IGHMBP2: variants seen among roughly 807,000 people sequenced by gnomAD.
IGHMBP2 encodes DNA-binding protein SMUBP-2.
Under a neutral mutation model 96.0 loss-of-function variants are expected in IGHMBP2, and 81 were observed. That is an observed-to-expected ratio of 0.84 (90% confidence interval 0.71 to 1.01). IGHMBP2 has a LOEUF of 1.01. Ranked by LOEUF, IGHMBP2 falls within the 50% of genes least tolerant of loss-of-function variation. The pLI, the probability that IGHMBP2 is intolerant of heterozygous loss-of-function variation, is 0.00. For missense variants in IGHMBP2, 1,227 were observed against 1,306.3 expected (o/e 0.94, Z 0.94); for synonymous variants, 557 against 548.9 (o/e 1.01, Z -0.21).
intron 7 of IGHMBP2, among the ~76,000 whole-genome samples, chr11:68,928,556 C>T (rs1358984437): frequency 6.6e-6 from 1 of 152,222 alleles, no homozygotes; most frequent in East Asian, 1.9e-4. Context: ...TATATGTTAT[C>T]TCCCTTTGTG....
chr11:68,936,483 G>A lies in IGHMBP2; in HGVS notation c.2003G>A (p.Gly668Glu). 6.2e-7 allele frequency: 1 copy of A among 1,613,854 alleles called. No individual in the cohort carries two copies. Among genetic ancestry groups the A allele is most frequent in the Non-Finnish European group, 8.5e-7 (1 of 1,179,992 alleles). ...AGCCACGCTGCCACCAAGCCCCAGG[G>A]ACCTGCTACGTCCACCAGGACCGGA... is the stretch of plus-strand genomic sequence containing the variant. ...GSSHAATKPQ[G>E]PATSTRTGSQ... Residue 668 changes from glycine (G) to glutamate (E), a missense_variant, in exon 13 of 15, where the codon GGA becomes GAA. Physicochemically the swap from Gly to Glu is moderately conservative, Grantham distance 98. This residue lies in a region of IGHMBP2 where 703 missense variants were observed against 770.3 expected (regional missense o/e 0.91). Transcript: ENST00000255078.
intron 1 of IGHMBP2, among the ~76,000 whole-genome samples, chr11:68,904,476 C>G (rs566681990): frequency 1.3e-5 from 2 of 152,278 alleles, no homozygotes; most frequent in East Asian, 3.9e-4. Flanking sequence ...GAGTCCCTTC[C>G]CCTCCAGTGC....
rs190339120 is a variant in IGHMBP2 at position 68,937,876 on chromosome 11, T to A, written c.2612-306T>A. The A allele has an allele frequency of 2.3e-4, 94 of 415,072 alleles. 1 individual carries two copies. The East Asian group carries it at 4.7e-3, about 21-fold the overall frequency. The allele number at this position is 415,072 out of a possible 1,614,324, so 25.7% of individuals were successfully genotyped here. A position where few individuals can be genotyped will look rare whatever the true frequency, so the allele number is the denominator to read the frequency against. Reference sequence around the variant, plus strand: ...GTTGAGCAGCTACTGTATGCCACGCTTTGTGCTAGAGGACAGGACTGATGC... The same window carrying A: ...GTTGAGCAGCTACTGTATGCCACGCATTGTGCTAGAGGACAGGACTGATGC... On this transcript the variant is annotated intron_variant, in intron 13 of 14. Coordinates refer to ENST00000255078, the MANE Select transcript of IGHMBP2 (RefSeq NM_002180.3).
chr11:68,921,856 G>A lies in IGHMBP2; in HGVS notation c.1060+3973G>A, dbSNP rs193050212. Among the ~76,000 whole-genome samples the A allele has an allele frequency of 1.1e-4, 16 of 152,234 alleles. No homozygotes were observed. In the East Asian group the frequency reaches 2.5e-3, roughly 24 times the overall value. ...GCTTTTGTATGTCTGAAAATATCTT[G>A]TTTCACCTGCAGTTTTGAAAGATAT... On this transcript the variant is annotated intron_variant, in intron 7 of 14. Transcript: ENST00000255078.
At chr11:68,925,239 G>A (rs1055426095) in intron 7 of IGHMBP2, among the ~76,000 whole-genome samples, 4 of 149,522 alleles carry the variant, frequency 2.7e-5, no homozygotes, top group Non-Finnish European at 5.9e-5. Context: ...TCCTCCTCCC[G>A]GGTTCAAGTG....
intron 8 of IGHMBP2, among the ~76,000 whole-genome samples, chr11:68,931,014 T>G (rs1163624291): frequency 1.3e-5 from 2 of 152,120 alleles, no homozygotes; most frequent in Non-Finnish European, 2.9e-5. Flanking sequence ...TGGGCGGGCC[T>G]GGAATAGGTA....
rs199619824 is a variant in IGHMBP2 at position 68,914,924 on chromosome 11, C to G, written c.813C>G (p.Leu271=). Residue 271 remains leucine (L), a synonymous_variant, in exon 6 of 15, where the codon CTC becomes CTG. Coordinates refer to ENST00000255078, the MANE Select transcript of IGHMBP2 (RefSeq NM_002180.3). ...TGCGCCTGGGACACCCTGCCCGCCT[C>G]CTGGAGTCCATTCAGCAGCACTCCC... ...RILRLGHPAR[L]LESIQQHSLD... 1.2e-6 allele frequency: 2 copies of G among 1,614,088 alleles called. No individual in the cohort carries two copies. The highest frequency in any genetic ancestry group is 3.3e-5 in the Admixed American group (2 of 60,012).
intron 4 of IGHMBP2, among the ~76,000 whole-genome samples, chr11:68,910,363 T>G (rs562165942): frequency 5.3e-5 from 8 of 152,372 alleles, no homozygotes; most frequent in African/African-American, 1.9e-4. Flanking sequence ...GACTCTGGAA[T>G]GGCTTGGCTA....
At chr11:68,911,222 G>A (rs1239124402) in intron 4 of IGHMBP2, among the ~76,000 whole-genome samples, 1 of 152,200 alleles carries the variant, frequency 6.6e-6, no homozygotes, top group Non-Finnish European at 1.5e-5. Flanking sequence ...AAAACCGGCA[G>A]CTGACTGGAT....
intron 8 of IGHMBP2, chr11:68,932,915 C>T (rs1052585152): frequency 1.9e-5 from 5 of 266,952 alleles, no homozygotes; most frequent in Non-Finnish European, 2.9e-5. Context: ...GCCCTTTCCT[C>T]TGTCTATGAA....
At chr11:68,928,345 G>A (rs1232633209) in intron 7 of IGHMBP2, among the ~76,000 whole-genome samples, 1 of 152,164 alleles carries the variant, frequency 6.6e-6, no homozygotes, top group Non-Finnish European at 1.5e-5. Context: ...ATTATCCAAA[G>A]CCCAGCCAAG....
rs1032763846 is a variant in IGHMBP2 at position 68,939,910 on chromosome 11, A to G, written c.*179A>G. ...CCCAGGGATAAGCTTTTCCGATGTC[A>G]CAATGTGGAGGAAAGCACCTGGGGG... On this transcript the variant is annotated 3_prime_UTR_variant, in exon 15 of 15. Coordinates refer to ENST00000255078, the MANE Select transcript of IGHMBP2 (RefSeq NM_002180.3). The G allele has an allele frequency of 7.7e-6, 5 of 650,822 alleles. No individual in the cohort carries two copies. The highest frequency in any genetic ancestry group is 5.5e-5 in the African/African-American group (3 of 54,490). 40.3% of individuals were successfully genotyped at this position (650,822 alleles called of 1,614,324 possible).
At chr11:68,915,166 C>CTTTTTTTTTTTTTTTTTTTGTTTTT (rs1858606674) in intron 6 of IGHMBP2, 143 bp downstream of exon 6, 1 of 176,576 alleles carries the variant, frequency 5.7e-6, no homozygotes, top group Non-Finnish European at 9.5e-6. Flanking sequence ...TTGGGCTGCC[C>CTTTTTTTTTTTTTTTTTTTGTTTTT]TTTTTTTTTT....
chr11:68,917,616 C>T, intron 6 of IGHMBP2, 120 bp from the exon 7 acceptor site: 1 of 823,466 alleles, frequency 1.2e-6, no homozygotes, highest in Non-Finnish European at 2.1e-6. Context: ...AGGAAGATTT[C>T]TGAGTGTTTT....
In IGHMBP2 at chr11:68,934,535, G is replaced by A; in HGVS notation, c.1609G>A (p.Val537Met). Residue 537 changes from valine (V) to methionine (M), a missense_variant, in exon 11 of 15, where the codon GTG becomes ATG. This residue lies in a region of IGHMBP2 where 703 missense variants were observed against 770.3 expected (regional missense o/e 0.91). Coordinates refer to ENST00000255078, the MANE Select transcript of IGHMBP2 (RefSeq NM_002180.3). ...TGGTGTTCCAGCCCGTGACATTGCT[G>A]TGGTCTCGCCATACAACCTCCAGGT... ...DAGVPARDIAVVSPYNLQVDL... is the reference protein window; with the variant it reads ...DAGVPARDIAMVSPYNLQVDL... 2 of 1,612,568 alleles carry A rather than the reference G, an allele frequency of 1.2e-6. No homozygotes were observed. The highest frequency in any genetic ancestry group is 2.2e-5 in the East Asian group (1 of 44,830).
chr11:68,939,523 G>A lies in IGHMBP2; in HGVS notation c.2785-11G>A, dbSNP rs376817525. The stretch of plus-strand genomic sequence containing the variant: ...CTGTGAGCCCAGCAGTGATTCTTGT[G>A]TCCTCCCCAGATCCATGGCTGCGGT... On this transcript the variant is annotated splice_polypyrimidine_tract_variant and intron_variant, in intron 14 of 14. Transcript: ENST00000255078. 7.4e-6 allele frequency: 12 copies of A among 1,611,492 alleles called. No homozygotes were observed. The South Asian group carries it at 1.3e-4, about 18-fold the overall frequency.
intron 12 of IGHMBP2, 124 bp from the exon 13 acceptor site, chr11:68,936,113 G>A (rs531035857): frequency 7.2e-5 from 80 of 1,110,948 alleles, no homozygotes; most frequent in African/African-American, 4.4e-4. Context: ...CCGGGCACCC[G>A]TGTGGATGGT....
intron 6 of IGHMBP2, among the ~76,000 whole-genome samples, chr11:68,916,301 C>T (rs907046821): frequency 5.3e-5 from 8 of 152,190 alleles, no homozygotes; most frequent in African/African-American, 1.2e-4. Context: ...TAGAGCTTTC[C>T]GTCCATTCCA....
chr11:68,908,612 C>T lies in IGHMBP2; in HGVS notation c.528C>T (p.Pro176=), dbSNP rs755370507. The T allele has an allele frequency of 1.9e-6, 3 of 1,612,184 alleles. No individual in the cohort carries two copies. The Admixed American group carries it at 5.0e-5, about 27-fold the overall frequency. The change falls in exon 4 of 15, where the codon CCC becomes CCT. Residue 176 remains proline (P), a synonymous_variant. Transcript: ENST00000255078. ...LIEVLFGRSA[P]SPASEIHPLT... is the part of the protein sequence containing the mutation. ...AAGTGCTCTTTGGCAGATCTGCTCC[C>T]AGTCCTGCCAGTGAAATACGTAAGA...
Sources: allele counts gnomAD v4.1 joint callset (sites outside exome capture counted in the v4.1 genomes callset), GRCh38; gene constraint gnomAD v4.1.1; regional missense constraint gnomAD v4.1.1; transcripts MANE v1.5; gene names NCBI Gene and HGNC (gene_info 2026-07-23, HGNC 2026-07-21).